BAIAP2: variants seen among roughly 807,000 people sequenced by gnomAD.
The protein encoded by BAIAP2 is BAR/IMD domain-containing adapter protein 2.
BAIAP2 carries 18 observed loss-of-function variants against 63.0 expected under a neutral mutation model. That is an observed-to-expected ratio of 0.29 (90% confidence interval 0.20 to 0.42). BAIAP2 has a LOEUF of 0.42. BAIAP2 is among the 10% of genes least tolerant of loss of function. BAIAP2 has a pLI of 1.00. For missense variants in BAIAP2, 610 were observed against 734.3 expected, an observed-to-expected ratio of 0.83 and a Z score of 1.96; for synonymous variants, 386 against 307.6, an observed-to-expected ratio of 1.25 and a Z score of -2.67.
chr17:81,036,493 C>T (rs1405110784), intron 1 of BAIAP2, among the ~76,000 whole-genome samples: 1 of 152,256 alleles, frequency 6.6e-6, no homozygotes, highest in Non-Finnish European at 1.5e-5. Context: ...TTGGGAGAGC[C>T]AGATGGAGGC....
At chr17:81,062,305 TG>T (rs1568097689) in intron 3 of BAIAP2, among the ~76,000 whole-genome samples, 7 of 103,600 alleles carry the variant, frequency 6.8e-5, no homozygotes, top group Non-Finnish European at 2.2e-5. Context: ...TTCAATGGAC[TG>T]ATTTTTTTTT....
intron 13 of BAIAP2, chr17:81,110,160 T>C: frequency 1.0e-6 from 1 of 985,626 alleles, no homozygotes; most frequent in Non-Finnish European, 1.2e-6. Flanking sequence ...CTCCTTTATC[T>C]GATGTGGTTT....
intron 2 of BAIAP2, chr17:81,056,280 C>T (rs1322237236): frequency 6.6e-6 from 1 of 152,256 alleles, no homozygotes; most frequent in East Asian, 1.9e-4. Context: ...AGTTGTTCAT[C>T]TCTTCCTGGC....
At chr17:81,110,858 C>A in intron 13 of BAIAP2, 1 of 1,609,400 alleles carries the variant, frequency 6.2e-7, no homozygotes, top group South Asian at 1.1e-5. Flanking sequence ...CTCCTCTGCA[C>A]CCCCGAGTCC....
chr17:81,067,354 G>A (rs971823574), intron 3 of BAIAP2, among the ~76,000 whole-genome samples: 1 of 152,228 alleles, frequency 6.6e-6, no homozygotes, highest in Non-Finnish European at 1.5e-5. Context: ...AACTCTGTGG[G>A]GACCCTCCAG....
At chr17:81,057,604 A>G in intron 2 of BAIAP2, 1 of 1,153,630 alleles carries the variant, frequency 8.7e-7, no homozygotes, top group African/African-American at 1.6e-5. Flanking sequence ...CGTGATAGGG[A>G]TCAGCTCTCT....
chr17:81,106,922 C>T lies in BAIAP2; in HGVS notation c.1500+15C>T, dbSNP rs1384529015. 1.3e-6 allele frequency: 2 copies of T among 1,497,996 alleles called. No homozygotes were observed. The highest frequency in any genetic ancestry group is 8.9e-7 in the Non-Finnish European group (1 of 1,121,268). 92.8% of individuals were successfully genotyped at this position (1,497,996 alleles called of 1,614,324 possible). A position where few individuals can be genotyped will look rare whatever the true frequency, so the allele number is the denominator to read the frequency against. On this transcript the variant is annotated intron_variant, in intron 12 of 13. Transcript: ENST00000428708. The stretch of plus-strand genomic sequence containing the variant: ...CCTTCTCCCAGGTCAGTGGGCGGGG[C>T]CGGGGCTGGGAGGGGCCCGCAGGTG...
Position 81,057,969 on chromosome 17 carries a change from T to TGGGGGGGGG in BAIAP2, c.217+3_217+4insGGGGGGGGG. 1 of 964,854 alleles carries TGGGGGGGGG rather than the reference T, an allele frequency of 1.0e-6. No individual in the cohort carries two copies. Among genetic ancestry groups the TGGGGGGGGG allele is most frequent in the Non-Finnish European group, 1.4e-6 (1 of 713,574 alleles). 59.8% of individuals were successfully genotyped at this position (964,854 alleles called of 1,614,324 possible). On this transcript the variant is annotated splice_region_variant and intron_variant, in intron 3 of 13. Coordinates refer to ENST00000428708, the MANE Select transcript of BAIAP2 (RefSeq NM_001144888.2). ...AGAGCCAGGGCTCCAAAGAACTCGG[T>TGGGGGGGGG]GAGACCCCCCCCCCCCCCCCGCCTG...
intron 3 of BAIAP2, among the ~76,000 whole-genome samples, chr17:81,075,106 C>T (rs1261095145): frequency 6.6e-6 from 1 of 152,256 alleles, no homozygotes; most frequent in African/African-American, 2.4e-5. Context: ...GTGAAGCCAG[C>T]CTCGGCTCAG....
At chr17:81,058,195 C>G (rs1427971567) in intron 3 of BAIAP2, among the ~76,000 whole-genome samples, 2 of 152,226 alleles carry the variant, frequency 1.3e-5, no homozygotes, top group Non-Finnish European at 2.9e-5. Context: ...GTGAGGACAG[C>G]AGGCAAACCC....
chr17:81,099,497 AGG>A (rs2058200600), intron 6 of BAIAP2, among the ~76,000 whole-genome samples: 1 of 152,168 alleles, frequency 6.6e-6, no homozygotes, highest in Admixed American at 6.5e-5. Context: ...AGAGTGCTCC[AGG>A]CAACAGGGGG....
chr17:81,101,684 C>T (rs890010690), intron 7 of BAIAP2, among the ~76,000 whole-genome samples: 9 of 152,252 alleles, frequency 5.9e-5, no homozygotes, highest in African/African-American at 1.9e-4. Flanking sequence ...CCAGTCCCCA[C>T]AGCCTGGGGA....
chr17:81,100,466 G>C (rs932629745), intron 7 of BAIAP2, among the ~76,000 whole-genome samples: 1 of 152,170 alleles, frequency 6.6e-6, no homozygotes, highest in African/African-American at 2.4e-5. Flanking sequence ...CTGGTGGGTG[G>C]CCTCTGTGTC....
Position 81,116,424 on chromosome 17 carries a change from G to A in BAIAP2, c.*585G>A, listed in dbSNP as rs1036875303. On this transcript the variant is annotated 3_prime_UTR_variant, in exon 14 of 14. Coordinates refer to ENST00000428708, the MANE Select transcript of BAIAP2 (RefSeq NM_001144888.2). ...TGGGCCCCTCACTCCCACTGGCAAT[G>A]TCACAAGGGCCTCCCCAGGCCCCTC... is the stretch of plus-strand genomic sequence containing the variant. 2.2e-6 allele frequency: 3 copies of A among 1,350,858 alleles called. No individual in the cohort carries two copies. The highest frequency in any genetic ancestry group is 2.1e-5 in the Admixed American group (1 of 48,218). 83.7% of individuals were successfully genotyped at this position (1,350,858 alleles called of 1,614,324 possible).
chr17:81,090,255 G>A (rs2056478201), intron 6 of BAIAP2, among the ~76,000 whole-genome samples: 1 of 152,186 alleles, frequency 6.6e-6, no homozygotes, highest in Non-Finnish European at 1.5e-5. Context: ...GAATATCCTG[G>A]CTTTCTCCCT....
chr17:81,058,119 C>A (rs1290115025), intron 3 of BAIAP2, 152 bp downstream of exon 3: 3 of 686,690 alleles, frequency 4.4e-6, no homozygotes, highest in African/African-American at 3.6e-5. Context: ...CTGGGAGCTG[C>A]CTTGTGGGGC....
At chr17:81,114,360 G>T (rs1048311139) in intron 13 of BAIAP2, among the ~76,000 whole-genome samples, 1 of 152,036 alleles carries the variant, frequency 6.6e-6, no homozygotes, top group African/African-American at 2.4e-5. Context: ...TTAGGAGTGG[G>T]TCTAGCCTGG....
chr17:81,083,386 C>T (rs1005634155), intron 3 of BAIAP2: 3 of 152,256 alleles, frequency 2.0e-5, no homozygotes, highest in Admixed American at 2.0e-4. Flanking sequence ...CCCTCCTGCT[C>T]TGTTTGTGTC....
At chr17:81,110,969 C>T (rs1223690031) in intron 13 of BAIAP2, 2 of 1,613,714 alleles carry the variant, frequency 1.2e-6, no homozygotes, top group Admixed American at 1.7e-5. Flanking sequence ...AGTAAGTTGC[C>T]TGGCGTTCTC....
Sources: gnomAD v4.1 joint callset for allele counts (sites outside exome capture counted in the v4.1 genomes callset) on GRCh38, gnomAD v4.1.1 for gene constraint, MANE v1.5 for transcripts, NCBI Gene and HGNC (gene_info 2026-07-23, HGNC 2026-07-21) for gene names.